The following DHRSX variants were observed in gnomAD, a reference collection of about 807,000 sequenced individuals.
The protein encoded by DHRSX is dehydrogenase/reductase X-linked, also known as polyprenol dehydrogenase.
In DHRSX, 31 loss-of-function variants were observed where a neutral mutation model predicts 34.0. That is an observed-to-expected ratio of 0.91 (90% confidence interval 0.69 to 1.23). The LOEUF is 1.23. DHRSX is among the 50% of genes most tolerant of loss of function. The pLI is 0.00. For synonymous variants in DHRSX, 201 were observed against 183.8 expected, an observed-to-expected ratio of 1.09 and a Z score of -0.76; for missense variants, 414 against 428.1, an observed-to-expected ratio of 0.97 and a Z score of 0.29.
chrX:2,347,355 C>T (rs1194886371), intron 3 of DHRSX, among the ~76,000 whole-genome samples: 4 of 152,168 alleles, frequency 2.6e-5, no homozygotes, highest in South Asian at 2.1e-4. Context: ...CCCCATGATT[C>T]GGTTACCTCC....
At chrX:2,452,448 G>A (rs911068371) in intron 1 of DHRSX, among the ~76,000 whole-genome samples, 1 of 151,742 alleles carries the variant, frequency 6.6e-6, no homozygotes, top group Non-Finnish European at 1.5e-5. Context: ...TACGAATGTG[G>A]ATAAGGGACC....
intron 3 of DHRSX, among the ~76,000 whole-genome samples, chrX:2,351,148 G>C (rs1345190441): frequency 1.3e-5 from 2 of 152,156 alleles, no homozygotes; most frequent in African/African-American, 2.4e-5. Flanking sequence ...TTAAAACGTA[G>C]AAGATTGGTT....
intron 3 of DHRSX, among the ~76,000 whole-genome samples, chrX:2,342,399 G>T (rs1401390654): frequency 1.3e-5 from 2 of 151,994 alleles, no homozygotes; most frequent in African/African-American, 4.8e-5. Flanking sequence ...ATACCTCACG[G>T]ATTGTCCCGG....
At chrX:2,270,742 C>G (rs374508444) in intron 4 of DHRSX, among the ~76,000 whole-genome samples, 1 of 152,294 alleles carries the variant, frequency 6.6e-6, no homozygotes, top group East Asian at 1.9e-4. Flanking sequence ...GACGTGAAGC[C>G]ACCTGGACTT....
intron 5 of DHRSX, among the ~76,000 whole-genome samples, chrX:2,246,748 G>GAAAGAAAGAA (rs776138629): frequency 0.047 from 4,839 of 103,276 alleles, 108 homozygotes; most frequent in Middle Eastern, 0.098. Flanking sequence ...AAGAAAGAAA[G>GAAAGAAAGAA]AAAAAGAAAG....
At chrX:2,495,697 C>A (rs1162071262) in intron 1 of DHRSX, among the ~76,000 whole-genome samples, 2 of 152,060 alleles carry the variant, frequency 1.3e-5, no homozygotes, top group Non-Finnish European at 2.9e-5. Flanking sequence ...GCACACAAGG[C>A]CACGAATAAA....
At chrX:2,285,287 G>C (rs2041791681) in intron 4 of DHRSX, among the ~76,000 whole-genome samples, 2 of 152,146 alleles carry the variant, frequency 1.3e-5, no homozygotes, top group African/African-American at 2.4e-5. Flanking sequence ...CCTGTGACTA[G>C]ACAGTCCCAT....
chrX:2,265,395 A>C (rs1160833419), intron 5 of DHRSX, among the ~76,000 whole-genome samples: 1 of 128,750 alleles, frequency 7.8e-6, no homozygotes, highest in Admixed American at 7.5e-5. Context: ...CCAGAGCACC[A>C]GTGTACAGCA....
intron 1 of DHRSX, among the ~76,000 whole-genome samples, chrX:2,478,047 T>A (rs2044708277): frequency 6.6e-6 from 1 of 152,190 alleles, no homozygotes; most frequent in Non-Finnish European, 1.5e-5. Context: ...AAGATTCAGG[T>A]TCTGAATCTC....
At chrX:2,264,819 G>A (rs182133420) in intron 5 of DHRSX, among the ~76,000 whole-genome samples, 12 of 146,798 alleles carry the variant, frequency 8.2e-5, no homozygotes, top group African/African-American at 3.0e-4. Flanking sequence ...ACAATGCTCA[G>A]GAGATGCAAG....
At chrX:2,449,938 G>A (rs1368581687) in intron 1 of DHRSX, among the ~76,000 whole-genome samples, 4 of 152,086 alleles carry the variant, frequency 2.6e-5, no homozygotes, top group Non-Finnish European at 5.9e-5. Flanking sequence ...TGGCCATGCA[G>A]CTGTTTTAAT....
chrX:2,222,075 C>T (rs2015533925), intron 6 of DHRSX, among the ~76,000 whole-genome samples: 1 of 152,230 alleles, frequency 6.6e-6, no homozygotes, highest in Non-Finnish European at 1.5e-5. Flanking sequence ...GAGGCACCGT[C>T]TGTGAACCAG....
chrX:2,478,807 G>C (rs1263077239), intron 1 of DHRSX, among the ~76,000 whole-genome samples: 1 of 151,810 alleles, frequency 6.6e-6, no homozygotes, highest in African/African-American at 2.4e-5. Context: ...ATGTGGCCCG[G>C]GGACCACCAC....
At chrX:2,381,536 C>T (rs2043202575) in intron 3 of DHRSX, among the ~76,000 whole-genome samples, 1 of 151,922 alleles carries the variant, frequency 6.6e-6, no homozygotes, top group African/African-American at 2.4e-5. Context: ...GCAGGAGAAT[C>T]GCTTGAACCC....
intron 3 of DHRSX, among the ~76,000 whole-genome samples, chrX:2,359,397 G>A (rs73189690): frequency 0.13 from 19,545 of 152,186 alleles, 1,718 homozygotes; most frequent in Non-Finnish European, 0.2. Flanking sequence ...TGGTACATAG[G>A]CCAGGTGCGG....
intron 3 of DHRSX, among the ~76,000 whole-genome samples, chrX:2,323,474 GT>G: frequency 6.6e-6 from 1 of 152,186 alleles, no homozygotes; most frequent in Admixed American, 6.6e-5. Context: ...GAATAGATAT[GT>G]TTTTTGGCCA....
chrX:2,371,085 CTCT>C (rs780964751), intron 3 of DHRSX, among the ~76,000 whole-genome samples: 132 of 152,124 alleles, frequency 8.7e-4, no homozygotes, highest in African/African-American at 3.1e-3. Flanking sequence ...GTCCCTCCTC[CTCT>C]TGTTACAATA....
At chrX:2,288,149 GAGAGAGAGAA>G (rs2041826958) in intron 4 of DHRSX, among the ~76,000 whole-genome samples, 2 of 152,122 alleles carry the variant, frequency 1.3e-5, no homozygotes, top group South Asian at 2.1e-4. Flanking sequence ...AAGGCAAGAT[GAGAGAGAGAA>G]AGAGAGAGAA....
At chrX:2,297,961 G>A (rs891118697) in intron 3 of DHRSX, among the ~76,000 whole-genome samples, 3 of 152,026 alleles carry the variant, frequency 2.0e-5, no homozygotes, top group Non-Finnish European at 2.9e-5. Context: ...TCACCATGTT[G>A]GCCGGGCTGG....
Sources: allele counts gnomAD v4.1 joint callset (sites outside exome capture counted in the v4.1 genomes callset), GRCh38; gene constraint gnomAD v4.1.1; transcripts MANE v1.5; gene names NCBI Gene and HGNC (gene_info 2026-07-23, HGNC 2026-07-21).